Variants in OR4P4 observed in about 807,000 individuals in gnomAD.
OR4P4 encodes the protein olfactory receptor 4P4.
OR4P4 carries 1 observed loss-of-function variant against 2.1 expected under a neutral mutation model. The ratio of observed to expected loss-of-function variants is 0.47; its 90% confidence interval spans 0.17 to 2.21. The LOEUF (loss-of-function observed/expected upper bound fraction) is 2.21, where lower values mean the gene tolerates loss of function less well. Ranked by LOEUF, OR4P4 falls within the 30% of genes most tolerant of loss-of-function variation. The pLI, the probability that OR4P4 is intolerant of heterozygous loss-of-function variation, is 0.27. For synonymous variants in OR4P4, 129 were observed against 133.2 expected, an observed-to-expected ratio of 0.97 and a Z score of 0.22; for missense variants, 375 against 376.5, an observed-to-expected ratio of 1.00 and a Z score of 0.03.
chr11:55,639,742 C>T lies in OR4P4; in HGVS notation c.*446C>T, dbSNP rs1208394472. Reference sequence around the variant, plus strand: ...CTGAGCATGATTGTGAAATCAGCAACTGAATTAAGAGACAGAAATTATCAG... The same window carrying T: ...CTGAGCATGATTGTGAAATCAGCAATTGAATTAAGAGACAGAAATTATCAG... On this transcript the variant is annotated 3_prime_UTR_variant, in exon 2 of 2. Transcript: ENST00000641760. 2.1e-5 allele frequency: 3 copies of T among 144,184 alleles called. 1 individual carries two copies. The Admixed American group carries it at 2.2e-4, about 11-fold the overall frequency. 8.9% of individuals were successfully genotyped at this position (144,184 alleles called of 1,614,324 possible).
At chr11:55,639,407 C>T (rs887952447) in exon 2 of OR4P4, 1 of 605,090 alleles carries the variant, frequency 1.7e-6, no homozygotes, top group Admixed American at 3.7e-5. Flanking sequence ...GGAAGCATAT[C>T]CCTTCTGTGG....
Position 55,639,372 on chromosome 11 carries a change from G to A in OR4P4, c.*76G>A, listed in dbSNP as rs1297801639. 18 of 835,242 alleles carry A rather than the reference G, an allele frequency of 2.2e-5. 4 individuals are homozygous for A. Among genetic ancestry groups the A allele is most frequent in the Non-Finnish European group, 3.2e-5 (18 of 560,802 alleles). The allele number at this position is 835,242 out of a possible 1,614,324, so 51.7% of individuals were successfully genotyped here. ...CTCTCATCTTGCTCTTGTCCTTAAT[G>A]TTTGGAGAGAAAAGTGGGCAAACAG... On this transcript the variant is annotated 3_prime_UTR_variant, in exon 2 of 2. Coordinates refer to ENST00000641760, the Ensembl canonical transcript of OR4P4.
chr11:55,639,186 G>T, exon 2 of OR4P4: 2 of 1,487,388 alleles, frequency 1.3e-6, no homozygotes, highest in Non-Finnish European at 1.8e-6. Context: ...TACCATCATT[G>T]CTCCCATGTT....
Position 55,638,777 on chromosome 11 carries a change from C to A in OR4P4, c.420C>A (p.Asn140Lys), listed in dbSNP as rs867970505. ...TTATTATGAGCAGGCAAAAGTGTAA[C>A]ACAATCATCATAGTTTGTTGTACTG... The change falls in exon 2 of 2, where the codon AAC becomes AAA. Residue 140 changes from asparagine to lysine, a missense_variant. Coordinates refer to ENST00000641760, the Ensembl canonical transcript of OR4P4. 1.3e-6 allele frequency: 2 copies of A among 1,492,384 alleles called. 1 individual carries two copies. The allele number at this position is 1,492,384 out of a possible 1,614,324, so 92.4% of individuals were successfully genotyped here.
chr11:55,637,846 A>G (rs1430027222), intron 1 of OR4P4, among the ~76,000 whole-genome samples: 1 of 138,420 alleles, frequency 7.2e-6, no homozygotes, highest in Non-Finnish European at 1.6e-5. Flanking sequence ...AGTTTATGCA[A>G]TCAAATCCCA....
exon 2 of OR4P4, chr11:55,640,259 G>A (rs1858442711): frequency 7.3e-6 from 1 of 136,500 alleles, no homozygotes; most frequent in African/African-American, 2.5e-5. Context: ...TGTTTCATTT[G>A]TGAGTCATTT....
At position 55,637,633 on chromosome 11, in the gene OR4P4, A is replaced by G. The variant is rs1443471761; in HGVS notation, c.-30-695A>G. On this transcript the variant is annotated intron_variant, in intron 1 of 1. Transcript: ENST00000641760. ...AAATTTAAGGGGGTTTAAGAAGTCA[A>G]GAATGAAATTAGGGCTGAAAATGTA... Among the ~76,000 whole-genome samples, 2 of 138,242 alleles carry G rather than the reference A, an allele frequency of 1.4e-5. 1 individual carries two copies. Among genetic ancestry groups the G allele is most frequent in the Non-Finnish European group, 3.2e-5 (2 of 62,048 alleles). The allele number at this position is 138,242 out of a possible 152,430, so 90.7% of individuals were successfully genotyped here.
At chr11:55,636,481 G>C (rs1858389764) in intron 1 of OR4P4, among the ~76,000 whole-genome samples, 1 of 138,046 alleles carries the variant, frequency 7.2e-6, no homozygotes, top group Non-Finnish European at 1.6e-5. Flanking sequence ...CTTTGCCTGA[G>C]AAATTCAGAC....
chr11:55,640,153 G>GATAATAATA (rs200011394), exon 2 of OR4P4: 2 of 131,600 alleles, frequency 1.5e-5, no homozygotes, highest in South Asian at 2.5e-4. Context: ...TAATAATAAT[G>GATAATAATA]ATAATAATAA....
At chr11:55,635,835 A>G (rs1189990268) in intron 1 of OR4P4, among the ~76,000 whole-genome samples, 4 of 138,010 alleles carry the variant, frequency 2.9e-5, no homozygotes, top group African/African-American at 5.0e-5. Flanking sequence ...GCTGTACTGC[A>G]AATTCTATAG....
exon 2 of OR4P4, chr11:55,638,807 A>G: frequency 6.7e-7 from 1 of 1,491,504 alleles, no homozygotes; most frequent in Non-Finnish European, 9.1e-7. Flanking sequence ...GTACTGGGGG[A>G]TTTATACATT....
At chr11:55,638,867 T>A in exon 2 of OR4P4, 1 of 1,493,386 alleles carries the variant, frequency 6.7e-7, no homozygotes, top group Non-Finnish European at 9.1e-7. Context: ...GTGGCCCAAA[T>A]GAGATAGATC....
chr11:55,637,631 C>T lies in OR4P4; in HGVS notation c.-30-697C>T, dbSNP rs1306762532. Among the ~76,000 whole-genome samples, 3 of 137,340 alleles carry T rather than the reference C, an allele frequency of 2.2e-5. 1 individual carries two copies. The highest frequency in any genetic ancestry group is 4.9e-5 in the Non-Finnish European group (3 of 61,702). The allele number at this position is 137,340 out of a possible 152,430, so 90.1% of individuals were successfully genotyped here. A position where few individuals can be genotyped will look rare whatever the true frequency, so the allele number is the denominator to read the frequency against. On this transcript the variant is annotated intron_variant, in intron 1 of 1. Transcript: ENST00000641760. ...AGAAATTTAAGGGGGTTTAAGAAGT[C>T]AAGAATGAAATTAGGGCTGAAAATG...
rs1198795483 is a variant in OR4P4 at position 55,637,512 on chromosome 11, A to C, written c.-30-816A>C. On this transcript the variant is annotated intron_variant, in intron 1 of 1. Transcript: ENST00000641760. ...CTAGTTCTTGAAATTCCACTATGAA[A>C]ATGAATGTCTTCTTGAAATTTCAAT... 6.5e-5 allele frequency among the ~76,000 whole-genome samples: 9 copies of C among 137,684 alleles called. 3 individuals are homozygous for C. The highest frequency in any genetic ancestry group is 1.5e-4 in the Non-Finnish European group (9 of 61,846). 90.3% of individuals were successfully genotyped at this position (137,684 alleles called of 152,430 possible). A position where few individuals can be genotyped will look rare whatever the true frequency, so the allele number is the denominator to read the frequency against.
At position 55,639,057 on chromosome 11, in the gene OR4P4, G is replaced by A. The variant is rs745688826; in HGVS notation, c.700G>A (p.Ala234Thr). ...ATACTCTGCAGAGAGACGCAGCAAA[G>A]CTCTTGCCACTTGTAGTTCTCATGT... Residue 234 changes from alanine (A) to threonine (T), a missense_variant, in exon 2 of 2, where the codon GCT (alanine) becomes ACT (threonine). By Grantham distance (58) the Ala-to-Thr change is moderately conservative (BLOSUM62 0). Coordinates refer to ENST00000641760, the Ensembl canonical transcript of OR4P4. 7 of 1,492,376 alleles carry A rather than the reference G, an allele frequency of 4.7e-6. 3 individuals carry two copies. In the South Asian group the frequency reaches 4.7e-5, roughly 10 times the overall value. The allele number at this position is 1,492,376 out of a possible 1,614,324, so 92.4% of individuals were successfully genotyped here.
At chr11:55,639,689 C>T (rs1858436293) in exon 2 of OR4P4, 2 of 156,586 alleles carry the variant, frequency 1.3e-5, no homozygotes, top group South Asian at 1.6e-4. Context: ...CATGTATTGC[C>T]TGTGTACAGC....
At chr11:55,638,060 G>A (rs1339823883) in intron 1 of OR4P4, among the ~76,000 whole-genome samples, 1 of 137,372 alleles carries the variant, frequency 7.3e-6, no homozygotes, top group Non-Finnish European at 1.6e-5. Flanking sequence ...CATTCCCTAT[G>A]ATAGAATTTT....
chr11:55,637,201 C>T (rs1303820514), intron 1 of OR4P4, among the ~76,000 whole-genome samples: 1 of 138,112 alleles, frequency 7.2e-6, no homozygotes, highest in Non-Finnish European at 1.6e-5. Context: ...TGAGAACATT[C>T]TGTGCCTTAC....
intron 1 of OR4P4, among the ~76,000 whole-genome samples, chr11:55,637,035 G>C (rs575863362): frequency 7.2e-6 from 1 of 137,992 alleles, no homozygotes; most frequent in Non-Finnish European, 1.6e-5. Context: ...GTGGTTCTAT[G>C]TCTGTAAAAA....
Sources: gnomAD v4.1 joint callset for allele counts (sites outside exome capture counted in the v4.1 genomes callset) on GRCh38, gnomAD v4.1.1 for gene constraint, MANE v1.5 for transcripts, NCBI Gene and HGNC (gene_info 2026-07-23, HGNC 2026-07-21) for gene names.